Variants in ATXN7L1 observed in about 807,000 individuals in gnomAD.
The protein encoded by ATXN7L1 is ataxin-7-like protein 1.
In ATXN7L1, 15 loss-of-function variants were observed where a neutral mutation model predicts 70.8. That is an observed-to-expected ratio of 0.21 (90% confidence interval 0.14 to 0.33). The LOEUF is 0.33. ATXN7L1 is among the 10% of genes least tolerant of loss of function. The probability of loss-of-function intolerance (pLI) is 1.00; values close to 1 mark genes in which losing one functional copy is unlikely to be tolerated. For missense variants in ATXN7L1, 975 were observed against 1,097.1 expected (o/e 0.89, Z 1.57); for synonymous variants, 440 against 445.1 (o/e 0.99, Z 0.14).
rs533491163 is a variant in ATXN7L1 at position 105,773,293 on chromosome 7, A to G, written c.355+15311T>C. Among the ~76,000 whole-genome samples, 6 of 152,346 alleles carry G rather than the reference A, an allele frequency of 3.9e-5. No homozygotes were observed. In the East Asian group the frequency reaches 1.2e-3, roughly 29 times the overall value. ...AGCACCTGATTCCCACAAGACAAGA[A>G]GGGCATGTGTGAATTAATTATGACC... On this transcript the variant is annotated intron_variant, in intron 3 of 11. Transcript: ENST00000419735.
intron 4 of ATXN7L1, among the ~76,000 whole-genome samples, chr7:105,648,592 G>A (rs1353080920): frequency 2.0e-5 from 3 of 152,180 alleles, no homozygotes; most frequent in African/African-American, 7.2e-5. Flanking sequence ...AGCCTATTAA[G>A]AGCCCCACCC....
chr7:105,862,318 C>T (rs1261477055), intron 2 of ATXN7L1, among the ~76,000 whole-genome samples: 1 of 151,972 alleles, frequency 6.6e-6, no homozygotes, highest in Non-Finnish European at 1.5e-5. Context: ...CACCTGTGGC[C>T]CAGCTACTTG....
intron 2 of ATXN7L1, among the ~76,000 whole-genome samples, chr7:105,865,488 G>A (rs754511626): frequency 5.3e-5 from 8 of 150,934 alleles, no homozygotes; most frequent in Non-Finnish European, 8.8e-5. Flanking sequence ...TGCAACCTCC[G>A]CCTCCCGGGT....
chr7:105,649,771 C>T (rs375260142), intron 4 of ATXN7L1, among the ~76,000 whole-genome samples: 26 of 152,306 alleles, frequency 1.7e-4, no homozygotes, highest in African/African-American at 5.5e-4. Flanking sequence ...TACCAGAGCA[C>T]GGTAAAGATG....
rs77807982 is a variant in ATXN7L1 at position 105,620,066 on chromosome 7, A to G, written c.1517+134T>C. 2.2e-3 allele frequency: 2,511 copies of G among 1,144,714 alleles called. 44 individuals are homozygous for G. In the African/African-American group the frequency reaches 0.034, roughly 15 times the overall value. 70.9% of individuals were successfully genotyped at this position (1,144,714 alleles called of 1,614,324 possible). ...CATTAAGAAGAGCTGGTATTTAAGA[A>G]TTAATCAAGCATCCTGACTTCAGAA... On this transcript the variant is annotated intron_variant, in intron 9 of 11. Coordinates refer to ENST00000419735, the MANE Select transcript of ATXN7L1 (RefSeq NM_020725.2).
chr7:105,666,386 T>C (rs1802618227), intron 3 of ATXN7L1, among the ~76,000 whole-genome samples: 1 of 152,244 alleles, frequency 6.6e-6, no homozygotes. Context: ...AATTTGATAA[T>C]GCAAAATGTG....
intron 3 of ATXN7L1, among the ~76,000 whole-genome samples, chr7:105,763,445 T>C (rs1253004529): frequency 1.3e-5 from 2 of 152,206 alleles, no homozygotes; most frequent in Non-Finnish European, 2.9e-5. Flanking sequence ...GAGAATGACT[T>C]TTTTGCAGAG....
At chr7:105,725,903 C>CTTT (rs34850752) in intron 3 of ATXN7L1, among the ~76,000 whole-genome samples, 3 of 130,736 alleles carry the variant, frequency 2.3e-5, no homozygotes, top group Admixed American at 7.7e-5. Context: ...TTCTTTCTTT[C>CTTT]TTTTTTTTTT....
At chr7:105,777,086 A>G (rs1053389899) in intron 3 of ATXN7L1, among the ~76,000 whole-genome samples, 2 of 152,202 alleles carry the variant, frequency 1.3e-5, no homozygotes, top group East Asian at 3.8e-4. Context: ...GGTGGGACTC[A>G]GCGATGCCCA....
chr7:105,626,374 G>C (rs771985060), intron 7 of ATXN7L1, among the ~76,000 whole-genome samples: 13 of 152,154 alleles, frequency 8.5e-5, no homozygotes, highest in Admixed American at 5.2e-4. Flanking sequence ...GAATAGGGAG[G>C]GGGTATTTAG....
chr7:105,716,209 CTTCATTATATAAA>C (rs1794525260), intron 3 of ATXN7L1, among the ~76,000 whole-genome samples: 1 of 152,058 alleles, frequency 6.6e-6, no homozygotes. Context: ...ATACTACATA[CTTCATTATATAAA>C]TTCATTATAT....
chr7:105,740,044 C>G (rs994245532), intron 3 of ATXN7L1, among the ~76,000 whole-genome samples: 5 of 152,226 alleles, frequency 3.3e-5, no homozygotes, highest in Non-Finnish European at 7.3e-5. Flanking sequence ...ACACCTTTCC[C>G]TTACTGTGAT....
chr7:105,853,746 A>G (rs1458106234), intron 2 of ATXN7L1, among the ~76,000 whole-genome samples: 1 of 152,212 alleles, frequency 6.6e-6, no homozygotes, highest in East Asian at 1.9e-4. Flanking sequence ...CCTGGGCAAC[A>G]GAGCGAGACT....
chr7:105,875,978 A>C, intron 1 of ATXN7L1, 98 bp from the exon 2 acceptor site: 1 of 1,007,036 alleles, frequency 9.9e-7, no homozygotes, highest in Non-Finnish European at 1.5e-6. Flanking sequence ...TTGCAAACAG[A>C]TCGATATAAA....
intron 3 of ATXN7L1, among the ~76,000 whole-genome samples, chr7:105,763,539 G>A (rs947747803): frequency 2.0e-4 from 31 of 152,244 alleles, no homozygotes; most frequent in Non-Finnish European, 3.8e-4. Flanking sequence ...CAGCCAGCAT[G>A]AGAAGACTTT....
At chr7:105,731,615 T>A (rs78356189) in intron 3 of ATXN7L1, among the ~76,000 whole-genome samples, 2,811 of 151,306 alleles carry the variant, frequency 0.019, 96 homozygotes, top group African/African-American at 0.063. Context: ...TTTTATTTTT[T>A]AAGTAGAGAT....
intron 3 of ATXN7L1, among the ~76,000 whole-genome samples, chr7:105,752,540 G>A (rs1799334201): frequency 6.6e-6 from 1 of 152,098 alleles, no homozygotes; most frequent in Admixed American, 6.5e-5. Context: ...TCCCATGCTT[G>A]GCTACCACTG....
intron 3 of ATXN7L1, among the ~76,000 whole-genome samples, chr7:105,712,980 T>A (rs1386987382): frequency 6.6e-6 from 1 of 152,154 alleles, no homozygotes; most frequent in East Asian, 1.9e-4. Flanking sequence ...AAAAGAGGTT[T>A]AATTGACTCA....
intron 2 of ATXN7L1, among the ~76,000 whole-genome samples, chr7:105,845,069 G>A (rs988589537): frequency 9.9e-5 from 15 of 151,816 alleles, no homozygotes; most frequent in East Asian, 1.9e-4. Flanking sequence ...GCCGGGCATC[G>A]TGGCGGGTGC....
Sources: gnomAD v4.1 joint callset for allele counts (sites outside exome capture counted in the v4.1 genomes callset) on GRCh38, gnomAD v4.1.1 for gene constraint, MANE v1.5 for transcripts, NCBI Gene and HGNC (gene_info 2026-07-23, HGNC 2026-07-21) for gene names.